SLCO2B1: variants seen among roughly 807,000 people sequenced by gnomAD.
SLCO2B1 encodes OATP-RP2.
In SLCO2B1, 41 loss-of-function variants were observed where a neutral mutation model predicts 67.3. The observed-to-expected ratio is 0.61, with a 90% confidence interval of 0.47 to 0.79. The LOEUF (loss-of-function observed/expected upper bound fraction) is 0.79. Ranked by LOEUF, SLCO2B1 falls within the 30% of genes least tolerant of loss-of-function variation. The probability of loss-of-function intolerance (pLI) is 0.00; values close to 1 mark genes in which losing one functional copy is unlikely to be tolerated. For synonymous variants in SLCO2B1, 379 were observed against 381.4 expected, an observed-to-expected ratio of 0.99 and a Z score of 0.07; for missense variants, 837 against 920.1, an observed-to-expected ratio of 0.91 and a Z score of 1.17.
At chr11:75,203,678 T>G in intron 13 of SLCO2B1, 1 of 477,548 alleles carries the variant, frequency 2.1e-6, no homozygotes, top group Non-Finnish European at 3.8e-6. Flanking sequence ...AGCTGGGCCT[T>G]GACCACAGAG....
At chr11:75,182,496 A>C (rs1950102748) in intron 7 of SLCO2B1, among the ~76,000 whole-genome samples, 1 of 152,210 alleles carries the variant, frequency 6.6e-6, no homozygotes, top group Admixed American at 6.5e-5. Flanking sequence ...TAATCTCAGC[A>C]CTTTGGGATG....
chr11:75,201,654 C>T (rs1945185457), intron 11 of SLCO2B1: 1 of 152,194 alleles, frequency 6.6e-6, no homozygotes. Context: ...GAGTGGCTCA[C>T]AGAGCTCAGG....
chr11:75,152,488 G>A (rs956980593), intron 1 of SLCO2B1: 2 of 152,278 alleles, frequency 1.3e-5, no homozygotes, highest in Non-Finnish European at 1.5e-5. Flanking sequence ...CCTCCTCTCG[G>A]GGCACCTCAC....
In SLCO2B1 at chr11:75,193,531, C is replaced by A; in HGVS notation, c.1389C>A (p.Ile463=). The change falls in exon 9 of 14, where the codon ATC becomes ATA. Residue 463 remains isoleucine, a synonymous_variant. Coordinates refer to ENST00000289575, the MANE Select transcript of SLCO2B1 (RefSeq NM_007256.5). This position sits in a 1 kb window ranked among gnomAD's most constrained non-coding sequence, Gnocchi z 4.2. Reference sequence around the variant, plus strand: ...TCTTCAGCCTGCCGCTCTTCTTTATCGGCTGCTCCAGCCACCAGATTGCGG... The same window carrying A: ...TCTTCAGCCTGCCGCTCTTCTTTATAGGCTGCTCCAGCCACCAGATTGCGG... ...CLFFSLPLFF[I]GCSSHQIAGI... 6.3e-7 allele frequency: 1 copy of A among 1,581,168 alleles called. No homozygotes were observed. Among genetic ancestry groups the A allele is most frequent in the Non-Finnish European group, 8.6e-7 (1 of 1,162,256 alleles).
intron 7 of SLCO2B1, among the ~76,000 whole-genome samples, chr11:75,175,228 T>C (rs1950009436): frequency 2.0e-5 from 3 of 152,112 alleles, no homozygotes; most frequent in Non-Finnish European, 4.4e-5. Flanking sequence ...TAAATATTGA[T>C]GTGGGAGGAA....
chr11:75,169,816 C>A, intron 6 of SLCO2B1, 52 bp downstream of exon 6: 2 of 1,462,832 alleles, frequency 1.4e-6, no homozygotes, highest in Non-Finnish European at 1.9e-6. Context: ...GACTGCCACT[C>A]TCATAGGAGA....
intron 3 of SLCO2B1, among the ~76,000 whole-genome samples, chr11:75,165,134 A>T (rs1949871740): frequency 1.3e-5 from 2 of 152,300 alleles, no homozygotes; most frequent in East Asian, 1.9e-4. Flanking sequence ...CCTAAGGCTC[A>T]AAAGGTCAAG....
At chr11:75,184,075 T>A (rs996325247) in intron 7 of SLCO2B1, among the ~76,000 whole-genome samples, 1 of 152,180 alleles carries the variant, frequency 6.6e-6, no homozygotes, top group Non-Finnish European at 1.5e-5. Context: ...CCTTTGCCTG[T>A]CTCGGAACCA....
rs141177507 is a variant in SLCO2B1, at chr11:75,195,879, G to A, written c.1434-635G>A. ...CAGGGTGACCTCCCCCTCAGACTAA[G>A]CCTCCCTCTGACATCCTGCCCCTGC... On this transcript the variant is annotated intron_variant, in intron 9 of 13. Coordinates refer to ENST00000289575, the MANE Select transcript of SLCO2B1 (RefSeq NM_007256.5). 4.4e-3 allele frequency among the ~76,000 whole-genome samples: 666 copies of A among 152,282 alleles called. 1 individual carries two copies. The highest frequency in any genetic ancestry group is 7.5e-3 in the Non-Finnish European group (513 of 67,998).
In SLCO2B1 at chr11:75,154,157, C is replaced by T. The variant is rs61894860; in HGVS notation, c.16+2760C>T. ...GCCAGGCTGGTCTCGAACTCCTGAC[C>T]TCGTGATCCATCTGCCTCAGCCTCC... On this transcript the variant is annotated intron_variant, in intron 1 of 13. Transcript: ENST00000289575. Among the ~76,000 whole-genome samples, 1,209 of 151,126 alleles carry T rather than the reference C, an allele frequency of 8.0e-3. 7 individuals carry two copies. The highest frequency in any genetic ancestry group is 0.014 in the Non-Finnish European group (958 of 67,800).
At chr11:75,180,611 T>C (rs1950081174) in intron 7 of SLCO2B1, among the ~76,000 whole-genome samples, 1 of 152,242 alleles carries the variant, frequency 6.6e-6, no homozygotes, top group African/African-American at 2.4e-5. Context: ...TGTTTGCATA[T>C]GCTTTTCTAT....
At position 75,190,131 on chromosome 11, in the gene SLCO2B1, C is replaced by T. The variant is rs117885428; in HGVS notation, c.1075+1893C>T. Among the ~76,000 whole-genome samples, 731 of 152,288 alleles carry T rather than the reference C, an allele frequency of 4.8e-3. 12 individuals carry two copies. Among genetic ancestry groups the T allele is most frequent in the East Asian group, 0.033 (170 of 5,178 alleles). On this transcript the variant is annotated intron_variant, in intron 8 of 13. Coordinates refer to ENST00000289575, the MANE Select transcript of SLCO2B1 (RefSeq NM_007256.5). ...CCACCCCCAGATGCTATTAGGTCCC[C>T]GGCACTCTGCGCTGCTGAATTGCTT... is the stretch of plus-strand genomic sequence containing the variant.
Position 75,204,454 on chromosome 11 carries a change from A to G in SLCO2B1, c.2004A>G (p.Leu668=), listed in dbSNP as rs1192936497. Residue 668 remains leucine, a synonymous_variant, in exon 14 of 14, where the codon TTA becomes TTG. Coordinates refer to ENST00000289575, the MANE Select transcript of SLCO2B1 (RefSeq NM_007256.5). ...CAGGTTCTGTGATCTGCTTCGCCTT[A>G]GTTTTGGCTGTCCTGAGGCAGCAGG... is the stretch of plus-strand genomic sequence containing the variant. ...FKTGSVICFA[L]VLAVLRQQDK... is the part of the protein sequence containing the mutation. 6.2e-7 allele frequency: 1 copy of G among 1,612,940 alleles called. No homozygotes were observed. The highest frequency in any genetic ancestry group is 8.5e-7 in the Non-Finnish European group (1 of 1,179,366).
At chr11:75,198,200 A>C (rs1945129771) in intron 10 of SLCO2B1, among the ~76,000 whole-genome samples, 1 of 152,216 alleles carries the variant, frequency 6.6e-6, no homozygotes, top group African/African-American at 2.4e-5. Flanking sequence ...AGGCCTTGGC[A>C]GGTGGAGCAG....
rs571734800 is a variant in SLCO2B1 at position 75,161,627 on chromosome 11, G to A, written c.17-1028G>A. On this transcript the variant is annotated intron_variant, in intron 1 of 13. Transcript: ENST00000289575. The stretch of plus-strand genomic sequence containing the variant: ...GAGGTCAATTTTCAGGCTCCAGAAA[G>A]CATGCTGAGTGAAAGGAAACTCCTG... Among the ~76,000 whole-genome samples the A allele has an allele frequency of 6.6e-5, 10 of 152,260 alleles. No individual in the cohort carries two copies. In the South Asian group the frequency reaches 2.1e-3, roughly 32 times the overall value.
At chr11:75,183,788 T>C (rs1243169890) in intron 7 of SLCO2B1, among the ~76,000 whole-genome samples, 1 of 152,198 alleles carries the variant, frequency 6.6e-6, no homozygotes, top group Non-Finnish European at 1.5e-5. Flanking sequence ...CCTCCCAAAA[T>C]GCTGGAATTA....
chr11:75,183,588 C>T (rs1396946095), intron 7 of SLCO2B1, among the ~76,000 whole-genome samples: 3 of 152,124 alleles, frequency 2.0e-5, no homozygotes, highest in African/African-American at 7.2e-5. Context: ...GCAGAGGTGC[C>T]ATCATAGCTT....
intron 8 of SLCO2B1, among the ~76,000 whole-genome samples, chr11:75,189,629 T>C (rs1243808950): frequency 6.6e-6 from 1 of 152,122 alleles, no homozygotes; most frequent in Non-Finnish European, 1.5e-5. Context: ...GAATTAGGCC[T>C]ATTCTTGGGA....
chr11:75,181,946 G>A (rs190104624), intron 7 of SLCO2B1, among the ~76,000 whole-genome samples: 2 of 152,356 alleles, frequency 1.3e-5, no homozygotes, highest in East Asian at 3.9e-4. Context: ...AGGGTCAGGA[G>A]CTAAGGACAG....
Sources: allele counts gnomAD v4.1 joint callset (sites outside exome capture counted in the v4.1 genomes callset), GRCh38; gene constraint gnomAD v4.1.1; non-coding constraint Gnocchi (gnomAD v3.1); transcripts MANE v1.5; gene names NCBI Gene and HGNC (gene_info 2026-07-23, HGNC 2026-07-21).